PIK3C2G: variants seen among roughly 807,000 people sequenced by gnomAD.
PIK3C2G encodes phosphatidylinositol 3-kinase C2 domain-containing subunit gamma.
In PIK3C2G, 168 loss-of-function variants were observed where a neutral mutation model predicts 181.1. That is an observed-to-expected ratio of 0.93 (90% CI 0.82 to 1.05). PIK3C2G has a LOEUF of 1.05. Ranked by LOEUF, PIK3C2G falls within the 50% of genes least tolerant of loss-of-function variation. The pLI is 0.00. For missense variants in PIK3C2G, 1,869 were observed against 1,732.8 expected (o/e 1.08, Z -1.40); for synonymous variants, 573 against 592.2 (o/e 0.97, Z 0.47).
intron 14 of PIK3C2G, among the ~76,000 whole-genome samples, chr12:18,389,020 T>A (rs61914511): frequency 0.12 from 17,797 of 152,158 alleles, 1,037 homozygotes; most frequent in Non-Finnish European, 0.13. Flanking sequence ...GCGCATGCAA[T>A]GTTGACATTT....
chr12:18,665,643 A>G, the PIK3C2G span, among the ~76,000 whole-genome samples: 1 of 152,092 alleles, frequency 6.6e-6, no homozygotes, highest in Admixed American at 6.6e-5. Context: ...AAATACAAAA[A>G]TTAGCCTGGC....
intron 8 of PIK3C2G, among the ~76,000 whole-genome samples, chr12:18,337,255 C>T (rs929086499): frequency 6.6e-6 from 1 of 151,998 alleles, no homozygotes; most frequent in Non-Finnish European, 1.5e-5. Context: ...AGAATAAGGT[C>T]AAAACAGAGA....
chr12:18,468,613 C>T (rs1014680879), intron 18 of PIK3C2G, among the ~76,000 whole-genome samples: 6 of 152,052 alleles, frequency 3.9e-5, no homozygotes, highest in African/African-American at 1.4e-4. Flanking sequence ...TAACTAGTTA[C>T]TGTGACTTCT....
chr12:18,360,110 T>C (rs189694042), intron 11 of PIK3C2G, among the ~76,000 whole-genome samples: 94 of 152,208 alleles, frequency 6.2e-4, no homozygotes, highest in African/African-American at 2.1e-3. Flanking sequence ...TGCTTTGATT[T>C]TTTTCGTAAT....
At chr12:18,421,436 A>C (rs1945481605) in intron 17 of PIK3C2G, among the ~76,000 whole-genome samples, 1 of 152,020 alleles carries the variant, frequency 6.6e-6, no homozygotes, top group African/African-American at 2.4e-5. Flanking sequence ...ATTGATAATA[A>C]ATTTTATCAC....
intron 9 of PIK3C2G, among the ~76,000 whole-genome samples, chr12:18,339,870 C>T (rs1016876271): frequency 6.6e-6 from 1 of 151,996 alleles, no homozygotes; most frequent in African/African-American, 2.4e-5. Flanking sequence ...TAAGGATAAA[C>T]ATTGCTGAAA....
intron 29 of PIK3C2G, among the ~76,000 whole-genome samples, chr12:18,579,644 C>T (rs898450305): frequency 6.6e-6 from 1 of 152,188 alleles, no homozygotes; most frequent in Non-Finnish European, 1.5e-5. Context: ...TCAGTTTAGA[C>T]ATCCTCGTTC....
chr12:18,361,501 C>T (rs79516682), intron 11 of PIK3C2G, among the ~76,000 whole-genome samples: 343 of 151,936 alleles, frequency 2.3e-3, no homozygotes, highest in Non-Finnish European at 3.5e-3. Context: ...AGCTAACTCT[C>T]TCAGTCTTTA....
intron 1 of PIK3C2G, among the ~76,000 whole-genome samples, chr12:18,271,075 T>G (rs2137053329): frequency 1.3e-5 from 2 of 152,264 alleles, no homozygotes; most frequent in South Asian, 4.1e-4. Flanking sequence ...AAGCTGTTCA[T>G]AGTCCCATGC....
At chr12:18,683,068 T>A in the PIK3C2G span, 24 of 655,878 alleles carry the variant, frequency 3.7e-5, no homozygotes, top group Admixed American at 8.7e-5. Context: ...AGTTTCTATT[T>A]TCTTTTCTTC....
At chr12:18,712,766 T>C in the PIK3C2G span, 6 of 1,518,000 alleles carry the variant, frequency 4.0e-6, no homozygotes, top group Non-Finnish European at 5.5e-6. Flanking sequence ...AGGCTAAGCA[T>C]TATAGGATTT....
At chr12:18,422,758 G>T (rs1047847257) in intron 17 of PIK3C2G, among the ~76,000 whole-genome samples, 2 of 152,060 alleles carry the variant, frequency 1.3e-5, no homozygotes, top group African/African-American at 2.4e-5. Context: ...ATCTAAAAAG[G>T]CAAGCATGTA....
chr12:18,426,387 T>C (rs1463262987), intron 18 of PIK3C2G, among the ~76,000 whole-genome samples: 2 of 152,156 alleles, frequency 1.3e-5, no homozygotes, highest in African/African-American at 4.8e-5. Flanking sequence ...AACTCACTTA[T>C]TAAAAACAAA....
At chr12:18,328,559 A>C (rs903553194) in intron 8 of PIK3C2G, among the ~76,000 whole-genome samples, 2 of 152,024 alleles carry the variant, frequency 1.3e-5, no homozygotes, top group Admixed American at 1.3e-4. Flanking sequence ...ATTTAGGAGC[A>C]GAGATTCCAA....
chr12:18,496,303 T>C (rs1592408742), intron 21 of PIK3C2G, 149 bp downstream of exon 21: 2 of 612,858 alleles, frequency 3.3e-6, no homozygotes, highest in Admixed American at 3.6e-5. Flanking sequence ...TACAGGATTA[T>C]ATATAGTATG....
At chr12:18,607,890 A>G (rs7969233) in intron 30 of PIK3C2G, among the ~76,000 whole-genome samples, 38,634 of 152,022 alleles carry the variant, frequency 0.25, 4,916 homozygotes, top group African/African-American at 0.31. Context: ...GTGGGCGAAG[A>G]ATATAAATAA....
intron 1 of PIK3C2G, among the ~76,000 whole-genome samples, chr12:18,278,036 A>G (rs1404747559): frequency 6.6e-6 from 1 of 152,194 alleles, no homozygotes; most frequent in Non-Finnish European, 1.5e-5. Context: ...GTGGTCTTCT[A>G]TACTTATTCT....
At chr12:18,627,247 T>G (rs1016019878) in intron 31 of PIK3C2G, among the ~76,000 whole-genome samples, 17 of 152,094 alleles carry the variant, frequency 1.1e-4, no homozygotes, top group African/African-American at 4.1e-4. Flanking sequence ...TCTATTTCTT[T>G]CTCAAACTTC....
chr12:18,587,598 G>A (rs1946856158), intron 29 of PIK3C2G, among the ~76,000 whole-genome samples: 1 of 151,890 alleles, frequency 6.6e-6, no homozygotes, highest in East Asian at 1.9e-4. Context: ...TGGATAGAAA[G>A]ATTAATATCA....
Sources: allele counts gnomAD v4.1 joint callset (sites outside exome capture counted in the v4.1 genomes callset), GRCh38; gene constraint gnomAD v4.1.1; transcripts MANE v1.5; gene names NCBI Gene and HGNC (gene_info 2026-07-23, HGNC 2026-07-21).